MTIF2: variants seen among roughly 807,000 people sequenced by gnomAD.
The protein encoded by MTIF2 is mitochondrial translational initiation factor 2.
MTIF2 carries 71 observed loss-of-function variants against 83.5 expected under a neutral mutation model. The ratio of observed to expected loss-of-function variants is 0.85; its 90% CI spans 0.70 to 1.04. MTIF2 has a LOEUF of 1.04. Among genes scored for constraint, MTIF2 ranks in the 50% least tolerant of loss-of-function variants. The pLI is 0.00. For missense variants in MTIF2, 957 were observed against 846.5 expected (o/e 1.13, Z -1.62); for synonymous variants, 319 against 287.1 (o/e 1.11, Z -1.12).
At chr2:55,246,716 C>A (rs1302819185) in intron 9 of MTIF2, among the ~76,000 whole-genome samples, 2 of 152,144 alleles carry the variant, frequency 1.3e-5, no homozygotes, top group African/African-American at 2.4e-5. Flanking sequence ...TTGCAAGGAA[C>A]AAGTGGCTAT....
In MTIF2 at chr2:55,240,036, G is replaced by A; in HGVS notation, c.1845C>T (p.Pro615=). ...DLQEELSSRL[P]CAVEEHPVGE... is the part of the protein sequence containing the mutation. ...CTACTGGGTGCTCTTCCACAGCACA[G>A]GGTAATCTGCTGCTCAGTTCCTCTT... is the stretch of plus-strand genomic sequence containing the variant. Residue 615 remains proline, a synonymous_variant, in exon 14 of 16, where the codon CCC becomes CCT. Transcript: ENST00000263629. 1.9e-6 allele frequency: 3 copies of A among 1,612,934 alleles called. No individual in the cohort carries two copies. The highest frequency in any genetic ancestry group is 1.3e-5 in the African/African-American group (1 of 75,016).
intron 5 of MTIF2, among the ~76,000 whole-genome samples, chr2:55,255,287 T>C (rs1677421897): frequency 6.6e-6 from 1 of 150,532 alleles, no homozygotes. Context: ...AGGGGAAATA[T>C]AGAGTTGGGT....
rs1313863174 is a variant in MTIF2, at chr2:55,243,646, T to A, written c.1334A>T (p.Asp445Val). The change falls in exon 12 of 16, where the codon GAC (aspartate) becomes GTC (valine). Residue 445 changes from aspartate to valine, a missense_variant. Asp to Val is a radical substitution (Grantham distance 152). Coordinates refer to ENST00000263629, the MANE Select transcript of MTIF2 (RefSeq NM_002453.3). ...CTGTTCTTGTTCATATTTCCTCCAG[T>A]CAACAACTTCACGTGCCCTTGGCTT... ...ESEPRAREVV[D>V]WRKYEQEQEK... 6.2e-7 allele frequency: 1 copy of A among 1,613,610 alleles called. No homozygotes were observed. The highest frequency in any genetic ancestry group is 1.7e-5 in the Admixed American group (1 of 59,942).
At chr2:55,263,943 A>T (rs1678238005) in intron 3 of MTIF2, 78 bp from the exon 4 acceptor site, 1 of 1,059,470 alleles carries the variant, frequency 9.4e-7, no homozygotes. Context: ...CTATATGCAT[A>T]GCACTGGACT....
At chr2:55,242,802 G>A (rs553874992) in intron 13 of MTIF2, 138 bp downstream of exon 13, 1 of 788,746 alleles carries the variant, frequency 1.3e-6, no homozygotes, top group Non-Finnish European at 2.0e-6. Context: ...ATTGCTAGCT[G>A]GGACTGGACT....
intron 9 of MTIF2, among the ~76,000 whole-genome samples, chr2:55,248,048 G>A (rs1213518404): frequency 1.3e-5 from 2 of 152,042 alleles, no homozygotes; most frequent in African/African-American, 4.8e-5. Flanking sequence ...ATGCCACCAA[G>A]CCAGGCTAAT....
chr2:55,243,074 A>T lies in MTIF2; in HGVS notation c.1571T>A (p.Val524Asp), dbSNP rs772487882. The part of the protein sequence containing the change: ...NVLSVIIKGD[V>D]DGSVEAILNI... ...CAAAATGGCCTCAACAGAACCATCA[A>T]CATCACCTAAATACAGAAAAAGTTT... The change falls in exon 13 of 16, where the codon GTT (valine) becomes GAT (aspartate). Residue 524 changes from valine (V) to aspartate (D), a missense_variant. Physicochemically the swap from Val to Asp is radical, Grantham distance 152. This residue lies in a region of MTIF2 where 733 missense variants were observed against 648.7 expected (regional missense o/e 1.13). Coordinates refer to ENST00000263629, the MANE Select transcript of MTIF2 (RefSeq NM_002453.3). 4 of 1,600,384 alleles carry T rather than the reference A, an allele frequency of 2.5e-6. No homozygotes were observed. In the South Asian group the frequency reaches 4.5e-5, roughly 18 times the overall value.
intron 5 of MTIF2, among the ~76,000 whole-genome samples, chr2:55,255,749 C>T (rs1677466082): frequency 6.6e-6 from 1 of 151,988 alleles, no homozygotes; most frequent in African/African-American, 2.4e-5. Context: ...CACTTGTTTG[C>T]AGTACGACAG....
chr2:55,249,622 G>C, intron 8 of MTIF2, 88 bp from the exon 9 acceptor site: 3 of 1,497,314 alleles, frequency 2.0e-6, no homozygotes, highest in African/African-American at 1.4e-5. Context: ...TTCTGTTCTG[G>C]TTTTCTCTTT....
At chr2:55,262,087 A>T (rs538754663) in intron 5 of MTIF2, among the ~76,000 whole-genome samples, 7 of 152,332 alleles carry the variant, frequency 4.6e-5, no homozygotes, top group Admixed American at 1.3e-4. Context: ...TAATTCGTAT[A>T]AGAAAATCTT....
chr2:55,242,915 T>A, intron 13 of MTIF2, 25 bp downstream of exon 13: 1 of 1,595,620 alleles, frequency 6.3e-7, no homozygotes, highest in Non-Finnish European at 8.5e-7. Context: ...GAACACAGAT[T>A]AACAAGAAGA....
chr2:55,252,407 T>G, intron 8 of MTIF2, 70 bp downstream of exon 8: 9 of 1,313,082 alleles, frequency 6.9e-6, no homozygotes, highest in Non-Finnish European at 7.5e-6. Context: ...GAAGACTAAA[T>G]GAGCTATATG....
intron 5 of MTIF2, among the ~76,000 whole-genome samples, chr2:55,257,681 T>A (rs996184584): frequency 1.3e-5 from 2 of 152,208 alleles, no homozygotes; most frequent in African/African-American, 4.8e-5. Context: ...AGTCACTGAA[T>A]GCAGTGTTGG....
chr2:55,252,431 A>T (rs1677164810), intron 8 of MTIF2, 46 bp downstream of exon 8: 2 of 1,565,520 alleles, frequency 1.3e-6, no homozygotes, highest in Non-Finnish European at 1.7e-6. Context: ...ATGGCCCCAG[A>T]ACTTTGACTT....
In MTIF2 at chr2:55,252,521, A is replaced by C. The variant is rs376663915; in HGVS notation, c.797T>G (p.Met266Arg). 8.1e-6 allele frequency: 13 copies of C among 1,614,048 alleles called. No individual in the cohort carries two copies. The highest frequency in any genetic ancestry group is 1.3e-5 in the African/African-American group (1 of 74,942). ...CTGAATAGATTCTACAGTTTGTTTC[A>C]TCACTCCATCATCTGCAGCTACAAC... ...VLVVAADDGV[M>R]KQTVESIQHA... is the part of the protein sequence containing the mutation. The change falls in exon 8 of 16, where the codon ATG becomes AGG. Residue 266 changes from methionine (M) to arginine (R), a missense_variant. Coordinates refer to ENST00000263629, the MANE Select transcript of MTIF2 (RefSeq NM_002453.3).
chr2:55,257,208 G>A (rs948492804), intron 5 of MTIF2, among the ~76,000 whole-genome samples: 12 of 152,222 alleles, frequency 7.9e-5, no homozygotes, highest in African/African-American at 2.4e-4. Context: ...AGCCGGGTGC[G>A]GTGGCTCACA....
rs190758237 is a variant in MTIF2 at position 55,262,816 on chromosome 2, C to A, written c.220-389G>T. ...CAATTTCGGCTCACTGAAACCTCCA[C>A]CTCCCAGGTTCAAGCGCTTCTCCTG... is the stretch of plus-strand genomic sequence containing the variant. On this transcript the variant is annotated intron_variant, in intron 4 of 15. Coordinates refer to ENST00000263629, the MANE Select transcript of MTIF2 (RefSeq NM_002453.3). Among the ~76,000 whole-genome samples, 5 of 152,258 alleles carry A rather than the reference C, an allele frequency of 3.3e-5. No individual in the cohort carries two copies. The South Asian group carries it at 8.3e-4, about 25-fold the overall frequency.
intron 3 of MTIF2, among the ~76,000 whole-genome samples, chr2:55,265,957 G>GT (rs1405405572): frequency 1.3e-5 from 2 of 151,854 alleles, no homozygotes; most frequent in Non-Finnish European, 2.9e-5. Flanking sequence ...TTTGTATTAG[G>GT]TATCATAAGT....
In MTIF2 at chr2:55,249,804, C is replaced by T. The variant is rs191875510; in HGVS notation, c.842-270G>A. On this transcript the variant is annotated intron_variant, in intron 8 of 15. Coordinates refer to ENST00000263629, the MANE Select transcript of MTIF2 (RefSeq NM_002453.3). ...CCTGAGATTATCAAAAAAAACAATA[C>T]AGTCGGGCTGGGTGCGGTGGCTCAT... is the stretch of plus-strand genomic sequence containing the variant. Among the ~76,000 whole-genome samples, 176 of 152,066 alleles carry T rather than the reference C, an allele frequency of 1.2e-3. 1 individual carries two copies. Among genetic ancestry groups the T allele is most frequent in the Non-Finnish European group, 1.0e-4 (7 of 67,966 alleles).
Sources: gnomAD v4.1 joint callset for allele counts (sites outside exome capture counted in the v4.1 genomes callset) on GRCh38, gnomAD v4.1.1 for gene constraint, gnomAD v4.1.1 regional missense constraint, MANE v1.5 for transcripts, NCBI Gene and HGNC (gene_info 2026-07-23, HGNC 2026-07-21) for gene names.